ZNG1A: variants seen among roughly 807,000 people sequenced by gnomAD.
The protein encoded by ZNG1A is Zn regulated GTPase metalloprotein activator 1A, also known as zinc-regulated GTPase metalloprotein activator 1A.
the ZNG1A span, among the ~76,000 whole-genome samples, chr9:155,623 A>G: frequency 6.6e-6 from 1 of 152,256 alleles, no homozygotes; most frequent in East Asian, 1.9e-4. Context: ...ATTTTCCTCA[A>G]TTATTCAGGG....
the ZNG1A span, chr9:167,612 A>G: frequency 6.8e-4 from 101 of 148,868 alleles, no homozygotes; most frequent in African/African-American, 2.4e-3. Flanking sequence ...TACTGGTAAT[A>G]AGCACCAAAA....
the ZNG1A span, among the ~76,000 whole-genome samples, chr9:145,553 T>TGG: frequency 0.092 from 6,461 of 70,400 alleles, 357 homozygotes; most frequent in East Asian, 0.33. Context: ...TGTTGTGGGG[T>TGG]GGGGGGAGGG....
At chr9:152,680 C>T in the ZNG1A span, among the ~76,000 whole-genome samples, 1 of 151,902 alleles carries the variant, frequency 6.6e-6, no homozygotes, top group Admixed American at 6.6e-5. Context: ...TCGTATGGCA[C>T]CAAAAAGTAC....
chr9:177,038 T>C, the ZNG1A span, among the ~76,000 whole-genome samples: 99 of 152,194 alleles, frequency 6.5e-4, 1 homozygote, highest in African/African-American at 2.3e-3. Context: ...ACATATTCAA[T>C]AGGAGATGCA....
chr9:164,636 T>TAA, the ZNG1A span, among the ~76,000 whole-genome samples: 1 of 148,576 alleles, frequency 6.7e-6, no homozygotes, highest in Admixed American at 6.7e-5. Context: ...AAATAATAAA[T>TAA]TAAAACTTGC....
the ZNG1A span, among the ~76,000 whole-genome samples, chr9:157,508 T>C: frequency 7.7e-6 from 1 of 129,434 alleles, no homozygotes; most frequent in African/African-American, 3.1e-5. Context: ...TCCTTGAACC[T>C]AACTTTATGA....
chr9:160,080 T>C, the ZNG1A span: 10 of 454,604 alleles, frequency 2.2e-5, no homozygotes, highest in African/African-American at 4.0e-5. Context: ...ACAATGTCAG[T>C]AGCCTGGGTG....
chr9:140,857 G>C, the ZNG1A span, among the ~76,000 whole-genome samples: 15 of 144,568 alleles, frequency 1.0e-4, no homozygotes, highest in African/African-American at 3.1e-4. Context: ...GGAGCTGATG[G>C]AGCTGAAAAC....
At chr9:124,131 G>T in the ZNG1A span, among the ~76,000 whole-genome samples, 2 of 151,904 alleles carry the variant, frequency 1.3e-5, no homozygotes, top group African/African-American at 2.4e-5. Context: ...TTAACTTTAG[G>T]ATTTATTTTT....
chr9:128,899 C>T, the ZNG1A span, among the ~76,000 whole-genome samples: 4 of 151,680 alleles, frequency 2.6e-5, no homozygotes, highest in East Asian at 3.9e-4. Flanking sequence ...CTCCCTTTTC[C>T]TATGGATGTG....
the ZNG1A span, among the ~76,000 whole-genome samples, chr9:131,374 TATTTCTCCA>T: frequency 1.3e-5 from 2 of 150,014 alleles, no homozygotes; most frequent in East Asian, 3.9e-4. Flanking sequence ...CCCACTGGGT[TATTTCTCCA>T]TTTTCTACTT....
the ZNG1A span, among the ~76,000 whole-genome samples, chr9:159,776 A>G: frequency 2.0e-5 from 3 of 151,934 alleles, no homozygotes; most frequent in Non-Finnish European, 4.4e-5. Flanking sequence ...AAATAAATCT[A>G]GTGTCAAAGA....
chr9:129,069 T>G, the ZNG1A span, among the ~76,000 whole-genome samples: 1 of 151,310 alleles, frequency 6.6e-6, no homozygotes, highest in Middle Eastern at 3.4e-3. Context: ...CAGCACCTGT[T>G]CCAGTGGAGG....
the ZNG1A span, among the ~76,000 whole-genome samples, chr9:169,165 G>A: frequency 3.5e-4 from 53 of 152,224 alleles, no homozygotes; most frequent in South Asian, 6.2e-4. Context: ...TGTGATTCAT[G>A]GGAGATCAAA....
At chr9:175,890 A>G in the ZNG1A span, 1 of 1,411,480 alleles carries the variant, frequency 7.1e-7, no homozygotes, top group Non-Finnish European at 9.4e-7. Context: ...GCTATTTTTC[A>G]TATATTATTT....
At chr9:128,700 T>C in the ZNG1A span, among the ~76,000 whole-genome samples, 1 of 150,272 alleles carries the variant, frequency 6.7e-6, no homozygotes, top group Non-Finnish European at 1.5e-5. Flanking sequence ...CTTCTTAGTT[T>C]GGATCCATTG....
chr9:125,083 T>C, the ZNG1A span, among the ~76,000 whole-genome samples: 2 of 152,334 alleles, frequency 1.3e-5, no homozygotes, highest in African/African-American at 2.4e-5. Context: ...AGTAGTGGGA[T>C]TGCTGGACCA....
At chr9:133,970 C>T in the ZNG1A span, among the ~76,000 whole-genome samples, 6 of 110,698 alleles carry the variant, frequency 5.4e-5, no homozygotes, top group Admixed American at 2.1e-4. Flanking sequence ...GTGAGCGCTG[C>T]GTTTGCTTCA....
chr9:158,832 TACAA>T, the ZNG1A span, among the ~76,000 whole-genome samples: 1 of 152,082 alleles, frequency 6.6e-6, no homozygotes, highest in African/African-American at 2.4e-5. Flanking sequence ...AGGAAAGCCA[TACAA>T]ACATTTAAAA....
Sources: allele counts gnomAD v4.1 joint callset (sites outside exome capture counted in the v4.1 genomes callset), GRCh38; gene constraint gnomAD v4.1.1; transcripts MANE v1.5; gene names NCBI Gene and HGNC (gene_info 2026-07-23, HGNC 2026-07-21).